The following C1QTNF3 variants were observed in gnomAD, a reference collection of about 807,000 sequenced individuals.
The protein encoded by C1QTNF3 is C1q and TNF related 3.
In C1QTNF3, 26 loss-of-function variants were observed where a neutral mutation model predicts 32.6. The observed-to-expected ratio is 0.80, with a 90% CI of 0.58 to 1.11. The LOEUF (loss-of-function observed/expected upper bound fraction) is 1.11. Among genes scored for constraint, C1QTNF3 ranks in the 50% least tolerant of loss-of-function variants. The pLI is 0.00. For synonymous variants in C1QTNF3, 155 were observed against 146.0 expected (o/e 1.06, Z -0.44); for missense variants, 362 against 398.2 (o/e 0.91, Z 0.77).
intron 1 of C1QTNF3, among the ~76,000 whole-genome samples, chr5:34,042,435 C>A (rs1402365472): frequency 2.0e-5 from 3 of 152,044 alleles, no homozygotes; most frequent in Middle Eastern, 3.2e-3. Context: ...TGAAGAAAGC[C>A]CAATTCTCTT....
the C1QTNF3 span, among the ~76,000 whole-genome samples, chr5:34,059,190 C>CA: frequency 6.6e-6 from 1 of 152,094 alleles, no homozygotes; most frequent in Non-Finnish European, 1.5e-5. Context: ...TCAAGGTGTA[C>CA]AGGGTGTGTG....
At chr5:34,094,054 G>A in the C1QTNF3 span, among the ~76,000 whole-genome samples, 4 of 152,264 alleles carry the variant, frequency 2.6e-5, no homozygotes, top group South Asian at 8.3e-4. Context: ...AAACACCCTT[G>A]TAGAAGACTG....
At chr5:34,204,200 G>A in the C1QTNF3 span, among the ~76,000 whole-genome samples, 1 of 152,080 alleles carries the variant, frequency 6.6e-6, no homozygotes, top group African/African-American at 2.4e-5. Context: ...ATTCTACCCA[G>A]CAACTACAGA....
chr5:34,028,890 A>G lies in C1QTNF3; in HGVS notation c.571-7T>C. ...GAGAAGCCATGAATGCAATCTAAGG[A>G]AAGAATTATTGGTCAATAAATAGGC... On this transcript the variant is annotated splice_region_variant and splice_polypyrimidine_tract_variant and intron_variant, in intron 3 of 5. Coordinates refer to ENST00000382065, the MANE Select transcript of C1QTNF3 (RefSeq NM_181435.6). 1 of 1,606,580 alleles carries G rather than the reference A, an allele frequency of 6.2e-7. No homozygotes were observed. Among genetic ancestry groups the G allele is most frequent in the Non-Finnish European group, 8.5e-7 (1 of 1,176,392 alleles).
Position 34,030,370 on chromosome 5 carries a change from A to G in C1QTNF3, c.571-1487T>C, listed in dbSNP as rs548272899. On this transcript the variant is annotated intron_variant, in intron 3 of 5. Transcript: ENST00000382065. Reference sequence around the variant, plus strand: ...AACCAAGAGGCTCTATGAGTTTGGGAATAAGGCTGTCTATTTGGGTCCAAA... The same window carrying G: ...AACCAAGAGGCTCTATGAGTTTGGGGATAAGGCTGTCTATTTGGGTCCAAA... Among the ~76,000 whole-genome samples, 27 of 152,318 alleles carry G rather than the reference A, an allele frequency of 1.8e-4. No individual in the cohort carries two copies. The South Asian group carries it at 4.8e-3, about 27-fold the overall frequency.
chr5:34,133,672 A>G, the C1QTNF3 span, among the ~76,000 whole-genome samples: 2 of 152,218 alleles, frequency 1.3e-5, no homozygotes, highest in African/African-American at 2.4e-5. Flanking sequence ...TGTTCATGGG[A>G]CATCAAAGCA....
chr5:34,070,245 G>T, the C1QTNF3 span, among the ~76,000 whole-genome samples: 1 of 151,968 alleles, frequency 6.6e-6, no homozygotes. Context: ...TAATTTTCCG[G>T]CCACTTCTGT....
the C1QTNF3 span, among the ~76,000 whole-genome samples, chr5:34,221,016 G>A: frequency 6.6e-6 from 1 of 152,116 alleles, no homozygotes; most frequent in African/African-American, 2.4e-5. Context: ...GAAAGCTGAA[G>A]GCTGCTTTGT....
chr5:34,056,422 G>GTGTT, the C1QTNF3 span, among the ~76,000 whole-genome samples: 35 of 4,530 alleles, frequency 7.7e-3, no homozygotes, highest in South Asian at 0.11. Flanking sequence ...GTATATGTAT[G>GTGTT]TGTGTGTGTG....
chr5:34,141,213 G>T, the C1QTNF3 span, among the ~76,000 whole-genome samples: 1 of 152,026 alleles, frequency 6.6e-6, no homozygotes, highest in Non-Finnish European at 1.5e-5. Context: ...TCGCCTCCCA[G>T]GTTTAAGTGA....
the C1QTNF3 span, among the ~76,000 whole-genome samples, chr5:34,155,365 C>G: frequency 6.6e-6 from 1 of 152,158 alleles, no homozygotes; most frequent in Admixed American, 6.6e-5. Context: ...CAAGTAATCC[C>G]GATTCCAAAC....
chr5:34,140,994 G>A, the C1QTNF3 span, among the ~76,000 whole-genome samples: 69 of 152,324 alleles, frequency 4.5e-4, no homozygotes, highest in Non-Finnish European at 8.4e-4. Flanking sequence ...TATGTCACTT[G>A]TGTGCTGACT....
chr5:34,032,980 T>G (rs561343700), intron 3 of C1QTNF3: 13 of 252,734 alleles, frequency 5.1e-5, no homozygotes, highest in Non-Finnish European at 8.2e-5. Context: ...CAAACCCTTA[T>G]TACATCTTAT....
chr5:34,160,283 CT>C, the C1QTNF3 span, among the ~76,000 whole-genome samples: 1 of 152,150 alleles, frequency 6.6e-6, no homozygotes, highest in Non-Finnish European at 1.5e-5. Flanking sequence ...TCCCGTTTTT[CT>C]TTTGCTTTCT....
the C1QTNF3 span, among the ~76,000 whole-genome samples, chr5:34,147,429 T>C: frequency 1.3e-5 from 2 of 152,120 alleles, no homozygotes; most frequent in African/African-American, 2.4e-5. Flanking sequence ...TTAGTGGTGG[T>C]GGATCGGGTA....
At chr5:34,240,070 T>C in the C1QTNF3 span, among the ~76,000 whole-genome samples, 1 of 151,768 alleles carries the variant, frequency 6.6e-6, no homozygotes, top group East Asian at 1.9e-4. Context: ...GGGAGAAATT[T>C]TAAGAAAGTG....
At chr5:34,135,975 C>G in the C1QTNF3 span, among the ~76,000 whole-genome samples, 1 of 151,254 alleles carries the variant, frequency 6.6e-6, no homozygotes, top group Non-Finnish European at 1.5e-5. Flanking sequence ...ACACCTTATA[C>G]AAAAATTAAT....
chr5:34,073,946 C>T, the C1QTNF3 span, among the ~76,000 whole-genome samples: 1 of 152,144 alleles, frequency 6.6e-6, no homozygotes, highest in Non-Finnish European at 1.5e-5. Context: ...CAGGACTTAC[C>T]TTATTTATCT....
At chr5:34,104,817 G>A in the C1QTNF3 span, among the ~76,000 whole-genome samples, 4 of 149,642 alleles carry the variant, frequency 2.7e-5, no homozygotes, top group South Asian at 6.4e-4. Flanking sequence ...GATTACAGGC[G>A]CAAGCCACCA....
Sources: allele counts gnomAD v4.1 joint callset (sites outside exome capture counted in the v4.1 genomes callset), GRCh38; gene constraint gnomAD v4.1.1; transcripts MANE v1.5; gene names NCBI Gene and HGNC (gene_info 2026-07-23, HGNC 2026-07-21).